LSM8: variants seen among roughly 807,000 people sequenced by gnomAD.
The protein encoded by LSM8 is LSM8 U6 small nuclear RNA associated.
LSM8 carries 14 observed loss-of-function variants against 15.0 expected under a neutral mutation model. The ratio of observed to expected loss-of-function variants is 0.93; its 90% CI spans 0.62 to 1.46. LSM8 has a LOEUF of 1.46. Ranked by LOEUF, LSM8 falls within the 40% of genes most tolerant of loss-of-function variation. The pLI, the probability that LSM8 is intolerant of heterozygous loss-of-function variation, is 0.00. For missense variants in LSM8, 90 were observed against 115.4 expected, an observed-to-expected ratio of 0.78 and a Z score of 1.01; for synonymous variants, 50 against 42.1, an observed-to-expected ratio of 1.19 and a Z score of -0.73.
chr7:118,184,219 A>T lies in LSM8; in HGVS notation c.-5A>T. 5 of 1,542,152 alleles carry T rather than the reference A, an allele frequency of 3.2e-6. No individual in the cohort carries two copies. The highest frequency in any genetic ancestry group is 4.4e-6 in the Non-Finnish European group (5 of 1,142,528). On this transcript the variant is annotated 5_prime_UTR_variant, in exon 1 of 4. Transcript: ENST00000249299. Reference sequence around the variant, plus strand: ...GCGTTACCCGGAACCGCCGGGCCGAACAGCATGACGTCCGCTTTGGAGAAC... The same window carrying T: ...GCGTTACCCGGAACCGCCGGGCCGATCAGCATGACGTCCGCTTTGGAGAAC...
chr7:118,193,171 A>T lies in LSM8; in HGVS notation c.*1169A>T, dbSNP rs1483127272. 2.0e-5 allele frequency among the ~76,000 whole-genome samples: 3 copies of T among 152,154 alleles called. No homozygotes were observed. The highest frequency in any genetic ancestry group is 7.2e-5 in the African/African-American group (3 of 41,454). The stretch of plus-strand genomic sequence containing the variant: ...GGCTTTGAAGGCCATGTGGTCTGTC[A>T]CAGCTACTCACCTCTGCTATTGTGG... On this transcript the variant is annotated 3_prime_UTR_variant, in exon 4 of 4. Coordinates refer to ENST00000249299, the MANE Select transcript of LSM8 (RefSeq NM_016200.5).
In LSM8 at chr7:118,202,940, T is replaced by C. The variant is rs1236005616; in HGVS notation, c.*10938T>C. On this transcript the variant is annotated 3_prime_UTR_variant, in exon 4 of 4. Coordinates refer to ENST00000249299, the MANE Select transcript of LSM8 (RefSeq NM_016200.5). The stretch of plus-strand genomic sequence containing the variant: ...GAAGCACTGATCTATACTGTCTTTC[T>C]ACACACTTTTTTACCTTACTTTATC... Among the ~76,000 whole-genome samples the C allele has an allele frequency of 6.6e-6, 1 of 152,040 alleles. No individual in the cohort carries two copies. Among genetic ancestry groups the C allele is most frequent in the East Asian group, 1.9e-4 (1 of 5,198 alleles).
In LSM8 at chr7:118,193,000, T is replaced by G. The variant is rs11542074; in HGVS notation, c.*998T>G. ...CAACTCATGTATAGGCCCAAGTGTG[T>G]GTCTTTGTGATGAGAAGAACATAGA... On this transcript the variant is annotated 3_prime_UTR_variant, in exon 4 of 4. Coordinates refer to ENST00000249299, the MANE Select transcript of LSM8 (RefSeq NM_016200.5). Among the ~76,000 whole-genome samples, 71,103 of 152,064 alleles carry G rather than the reference T, an allele frequency of 0.47. 18,490 individuals carry two copies. The highest frequency in any genetic ancestry group is 0.59 in the South Asian group (2,851 of 4,822).
rs1562863390 is a variant in LSM8, at chr7:118,194,485, A to G, written c.*2483A>G. Among the ~76,000 whole-genome samples, 1 of 152,142 alleles carries G rather than the reference A, an allele frequency of 6.6e-6. No homozygotes were observed. Among genetic ancestry groups the G allele is most frequent in the African/African-American group, 2.4e-5 (1 of 41,436 alleles). The stretch of plus-strand genomic sequence containing the variant: ...TGACAGTTTTGGCTAAATATTACAA[A>G]TCTTGATCCCAGAAGAGCAAGAGAG... On this transcript the variant is annotated 3_prime_UTR_variant, in exon 4 of 4. Transcript: ENST00000249299.
rs187456760 is a variant in LSM8 at position 118,200,828 on chromosome 7, T to A, written c.*8826T>A. Among the ~76,000 whole-genome samples, 5 of 152,206 alleles carry A rather than the reference T, an allele frequency of 3.3e-5. No homozygotes were observed. The highest frequency in any genetic ancestry group is 2.1e-4 in the South Asian group (1 of 4,824). ...GAACTGAGGTTTGCAATTGCTAATG[T>A]TATTCTCCCATCCCAGTTTCTACTT... is the stretch of plus-strand genomic sequence containing the variant. On this transcript the variant is annotated 3_prime_UTR_variant, in exon 4 of 4. Transcript: ENST00000249299.
rs1020625213 is a variant in LSM8, at chr7:118,196,535, A to G, written c.*4533A>G. ...ATGCCATCTCCTACTTACTGGCATC[A>G]TCTGGGGAATGAAGGAGCTGAGAAT... On this transcript the variant is annotated 3_prime_UTR_variant, in exon 4 of 4. Transcript: ENST00000249299. Among the ~76,000 whole-genome samples the G allele has an allele frequency of 6.6e-6, 1 of 152,022 alleles. No individual in the cohort carries two copies. Among genetic ancestry groups the G allele is most frequent in the Non-Finnish European group, 1.5e-5 (1 of 68,000 alleles).
rs113995031 is a variant in LSM8 at position 118,194,130 on chromosome 7, C to A, written c.*2128C>A. On this transcript the variant is annotated 3_prime_UTR_variant, in exon 4 of 4. Coordinates refer to ENST00000249299, the MANE Select transcript of LSM8 (RefSeq NM_016200.5). The stretch of plus-strand genomic sequence containing the variant: ...ATGAGAATTGTAAGGGAGCCACAAC[C>A]ATGAGTAGTAACATAATTAATATAC... 6.0e-3 allele frequency among the ~76,000 whole-genome samples: 908 copies of A among 152,160 alleles called. 9 individuals are homozygous for A. The highest frequency in any genetic ancestry group is 0.021 in the African/African-American group (883 of 41,522).
rs1377292894 is a variant in LSM8 at position 118,201,281 on chromosome 7, C to G, written c.*9279C>G. ...TAAAGAAGAGGAGAAAATCTTAATA[C>G]TAAGTATGTGTGAGCCTGGAGCTGC... is the stretch of plus-strand genomic sequence containing the variant. On this transcript the variant is annotated 3_prime_UTR_variant, in exon 4 of 4. Transcript: ENST00000249299. 6.6e-6 allele frequency among the ~76,000 whole-genome samples: 1 copy of G among 151,938 alleles called. No homozygotes were observed. Among genetic ancestry groups the G allele is most frequent in the East Asian group, 1.9e-4 (1 of 5,188 alleles).
At chr7:118,186,113 GT>G (rs1224349943) in intron 2 of LSM8, among the ~76,000 whole-genome samples, 1 of 151,924 alleles carries the variant, frequency 6.6e-6, no homozygotes, top group Non-Finnish European at 1.5e-5. Context: ...AATATTCTTT[GT>G]TTTTAGGTTG....
At chr7:118,190,132 T>C (rs1808954552) in intron 3 of LSM8, 1 of 152,198 alleles carries the variant, frequency 6.6e-6, no homozygotes, top group Admixed American at 6.5e-5. Context: ...GCAGGAATAA[T>C]TTACTCATTT....
chr7:118,186,687 G>A (rs544800895), intron 2 of LSM8, among the ~76,000 whole-genome samples: 21 of 152,266 alleles, frequency 1.4e-4, no homozygotes, highest in African/African-American at 4.6e-4. Context: ...GAGTCACAAG[G>A]GTAGCAAGTG....
chr7:118,201,434 A>T lies in LSM8; in HGVS notation c.*9432A>T, dbSNP rs139773594. ...GGATCCAGCGATGCCTAAAGATGTG[A>T]CTCCTAGACTTTTCACTTACATGAG... On this transcript the variant is annotated 3_prime_UTR_variant, in exon 4 of 4. Transcript: ENST00000249299. 5.4e-3 allele frequency among the ~76,000 whole-genome samples: 815 copies of T among 152,028 alleles called. 3 individuals are homozygous for T. The highest frequency in any genetic ancestry group is 0.027 in the Middle Eastern group (8 of 294).
chr7:118,185,139 G>T (rs191228456), intron 1 of LSM8: 3 of 152,046 alleles, frequency 2.0e-5, no homozygotes, highest in South Asian at 2.1e-4. Flanking sequence ...AAAAATCCAG[G>T]ATATTTTGAG....
intron 3 of LSM8, chr7:118,189,410 A>C (rs919262593): frequency 6.6e-6 from 1 of 152,180 alleles, no homozygotes; most frequent in African/African-American, 2.4e-5. Flanking sequence ...AAAATTAGCC[A>C]GGCGTGGTGG....
rs975262385 is a variant in LSM8 at position 118,201,855 on chromosome 7, T to G, written c.*9853T>G. On this transcript the variant is annotated 3_prime_UTR_variant, in exon 4 of 4. Transcript: ENST00000249299. ...ATCAAGCAGGCTTTTAATGCAACTT[T>G]ATCTTCTGGGTTTCCCTAGTCATAA... Among the ~76,000 whole-genome samples, 1 of 152,124 alleles carries G rather than the reference T, an allele frequency of 6.6e-6. No homozygotes were observed. Among genetic ancestry groups the G allele is most frequent in the Non-Finnish European group, 1.5e-5 (1 of 67,994 alleles).
chr7:118,184,277 G>A (rs377698451), intron 1 of LSM8, 23 bp downstream of exon 1: 3 of 1,475,280 alleles, frequency 2.0e-6, no homozygotes, highest in Non-Finnish European at 2.7e-6. Context: ...TGGCCGCCGC[G>A]GGCGTGAGCC....
At chr7:118,184,761 G>A (rs1376499610) in intron 1 of LSM8, 1 of 152,362 alleles carries the variant, frequency 6.6e-6, no homozygotes, top group African/African-American at 2.4e-5. Context: ...CTGTTGTAAT[G>A]GATTATAGTG....
intron 1 of LSM8, 163 bp from the exon 2 acceptor site, chr7:118,185,491 C>T: frequency 4.8e-6 from 3 of 619,010 alleles, no homozygotes; most frequent in Admixed American, 2.9e-5. Context: ...CCTGCCTTGG[C>T]GTCTAAGAAA....
rs1262364988 is a variant in LSM8 at position 118,184,391 on chromosome 7, C to T, written c.31+137C>T. The T allele has an allele frequency of 6.2e-5, 67 of 1,072,114 alleles. 3 individuals carry two copies. The South Asian group carries it at 1.4e-3, about 23-fold the overall frequency. 66.4% of individuals were successfully genotyped at this position (1,072,114 alleles called of 1,614,324 possible). A position where few individuals can be genotyped will look rare whatever the true frequency, so the allele number is the denominator to read the frequency against. ...AGGAGATGAGGGCCCCGGAACGACCCAGAGTTCGCCGGCGGCGCCTCGAGC... is the reference window on the plus strand; with the variant it reads ...AGGAGATGAGGGCCCCGGAACGACCTAGAGTTCGCCGGCGGCGCCTCGAGC... On this transcript the variant is annotated intron_variant, in intron 1 of 3. Transcript: ENST00000249299.
Sources: allele counts gnomAD v4.1 joint callset (sites outside exome capture counted in the v4.1 genomes callset), GRCh38; gene constraint gnomAD v4.1.1; transcripts MANE v1.5; gene names NCBI Gene and HGNC (gene_info 2026-07-23, HGNC 2026-07-21).